The following WIPF2 variants were observed in gnomAD, a reference collection of about 807,000 sequenced individuals.
WIPF2 encodes WAS/WASL-interacting protein family member 2.
WIPF2 carries 23 observed loss-of-function variants against 38.8 expected under a neutral mutation model. That is an observed-to-expected ratio of 0.59 (90% CI 0.43 to 0.84). The LOEUF (loss-of-function observed/expected upper bound fraction) is 0.84. Ranked by LOEUF, WIPF2 falls within the 40% of genes least tolerant of loss-of-function variation. WIPF2 has a pLI of 0.00. For missense variants in WIPF2, 574 were observed against 580.5 expected, an observed-to-expected ratio of 0.99 and a Z score of 0.11; for synonymous variants, 210 against 223.2, an observed-to-expected ratio of 0.94 and a Z score of 0.53.
Position 40,262,735 on chromosome 17 carries a change from T to TCCC in WIPF2, c.313+94_313+95insCCC. The TCCC allele has an allele frequency of 5.0e-6, 5 of 992,104 alleles. No homozygotes were observed. In the South Asian group the frequency reaches 6.8e-5, roughly 13 times the overall value. The allele number at this position is 992,104 out of a possible 1,614,324, so 61.5% of individuals were successfully genotyped here. A position where few individuals can be genotyped will look rare whatever the true frequency, so the allele number is the denominator to read the frequency against. On this transcript the variant is annotated intron_variant, in intron 4 of 7. Coordinates refer to ENST00000323571, the MANE Select transcript of WIPF2 (RefSeq NM_133264.5). ...CTCAGGTTGAGGAGTATGGTAGAGG[T>TCCC]GGGGGGAAGAAAGACTTGGGAGTAG... is the stretch of plus-strand genomic sequence containing the variant.
intron 1 of WIPF2, among the ~76,000 whole-genome samples, chr17:40,236,829 G>A (rs1250963213): frequency 1.3e-5 from 2 of 151,614 alleles, no homozygotes; most frequent in East Asian, 1.9e-4. Flanking sequence ...GGCTGGTCTT[G>A]AACTCCTGAT....
At chr17:40,245,131 A>C (rs1330694630) in intron 1 of WIPF2, among the ~76,000 whole-genome samples, 1 of 152,192 alleles carries the variant, frequency 6.6e-6, no homozygotes, top group African/African-American at 2.4e-5. Flanking sequence ...AAAATAAATA[A>C]GTAAAACAAA....
At chr17:40,263,601 G>C (rs996447108) in intron 4 of WIPF2, among the ~76,000 whole-genome samples, 1 of 142,374 alleles carries the variant, frequency 7.0e-6, no homozygotes, top group Non-Finnish European at 1.5e-5. Context: ...GGAGTGCAGT[G>C]GTGCCATCTT....
intron 5 of WIPF2, among the ~76,000 whole-genome samples, chr17:40,272,807 A>T (rs546946404): frequency 6.6e-6 from 1 of 152,330 alleles, no homozygotes; most frequent in South Asian, 2.1e-4. Flanking sequence ...ACCCAGAAGG[A>T]GGAACTGCTC....
chr17:40,234,227 TGTG>T (rs2030863308), intron 1 of WIPF2, among the ~76,000 whole-genome samples: 1 of 151,306 alleles, frequency 6.6e-6, no homozygotes, highest in African/African-American at 2.4e-5. Context: ...ATTAGCTGGG[TGTG>T]GTGGCAAGTG....
intron 1 of WIPF2, among the ~76,000 whole-genome samples, chr17:40,223,599 G>GTTTTTT (rs527827847): frequency 1.5e-5 from 2 of 130,310 alleles, no homozygotes; most frequent in Non-Finnish European, 1.6e-5. Flanking sequence ...TTTTTTTTGG[G>GTTTTTT]TTTTTTTTTT....
At chr17:40,259,920 A>T (rs986030014) in intron 2 of WIPF2, among the ~76,000 whole-genome samples, 4 of 152,184 alleles carry the variant, frequency 2.6e-5, no homozygotes, top group Admixed American at 1.3e-4. Flanking sequence ...ATACGCATTA[A>T]ATGTCTAACA....
intron 1 of WIPF2, among the ~76,000 whole-genome samples, chr17:40,225,823 A>G (rs1188964262): frequency 2.0e-5 from 3 of 151,898 alleles, no homozygotes; most frequent in Non-Finnish European, 4.4e-5. Flanking sequence ...TGCCTCACTA[A>G]TTTTTATTTT....
intron 2 of WIPF2, among the ~76,000 whole-genome samples, chr17:40,257,933 G>C (rs1412399961): frequency 2.6e-5 from 4 of 152,140 alleles, no homozygotes; most frequent in Non-Finnish European, 5.9e-5. Context: ...CCCCGAAGAG[G>C]AAAAGTGACT....
rs1472355404 is a variant in WIPF2 at position 40,282,016 on chromosome 17, G to GA, written c.*3792dup. The GA allele has an allele frequency of 6.6e-6, 1 of 151,340 alleles. No individual in the cohort carries two copies. 9.4% of individuals were successfully genotyped at this position (151,340 alleles called of 1,614,324 possible). A position where few individuals can be genotyped will look rare whatever the true frequency, so the allele number is the denominator to read the frequency against. On this transcript the variant is annotated 3_prime_UTR_variant, in exon 8 of 8. Coordinates refer to ENST00000323571, the MANE Select transcript of WIPF2 (RefSeq NM_133264.5). ...TAAGCTACCCTAATTTCGGGAATGG[G>GA]AGGGGAGAGAGGAGGGCCATTACAA...
At chr17:40,248,991 T>G (rs961078731) in intron 1 of WIPF2, among the ~76,000 whole-genome samples, 2 of 152,224 alleles carry the variant, frequency 1.3e-5, no homozygotes, top group Non-Finnish European at 2.9e-5. Flanking sequence ...GGAGGTGGCC[T>G]GTTTTTTTAA....
chr17:40,226,507 G>A (rs1291156847), intron 1 of WIPF2, among the ~76,000 whole-genome samples: 1 of 151,842 alleles, frequency 6.6e-6, no homozygotes, highest in African/African-American at 2.4e-5. Flanking sequence ...GAGCCACTGT[G>A]CCCGGCCTTT....
intron 1 of WIPF2, among the ~76,000 whole-genome samples, chr17:40,239,599 C>T (rs1050447715): frequency 3.8e-4 from 57 of 151,758 alleles, no homozygotes; most frequent in Non-Finnish European, 6.3e-4. Flanking sequence ...GAGGTCTCAC[C>T]GTTGACTCAT....
intron 1 of WIPF2, among the ~76,000 whole-genome samples, chr17:40,255,428 C>T (rs1025263942): frequency 1.3e-5 from 2 of 151,916 alleles, no homozygotes; most frequent in African/African-American, 2.4e-5. Context: ...CAGGTTCAAG[C>T]GATTCTCCTG....
At chr17:40,231,149 G>T (rs1014946134) in intron 1 of WIPF2, among the ~76,000 whole-genome samples, 4 of 152,144 alleles carry the variant, frequency 2.6e-5, no homozygotes, top group Non-Finnish European at 4.4e-5. Flanking sequence ...TAGCATTTCA[G>T]CAAGGAGCAT....
Position 40,264,518 on chromosome 17 carries a change from A to T in WIPF2, c.342A>T (p.Gln114His), listed in dbSNP as rs765650923. The change falls in exon 5 of 8, where the codon CAA becomes CAT. Residue 114 changes from glutamine to histidine, a missense_variant. Transcript: ENST00000323571. ...SENLAGKPALQIPSSRAAAPR... is the reference protein window; with the variant it reads ...SENLAGKPALHIPSSRAAAPR... ...ACCTAGCTGGTAAGCCAGCCCTGCA[A>T]ATCCCCAGTTCTCGAGCTGCTGCCC... is the stretch of plus-strand genomic sequence containing the variant. 4 of 1,613,888 alleles carry T rather than the reference A, an allele frequency of 2.5e-6. No homozygotes were observed. The African/African-American group carries it at 5.3e-5, about 22-fold the overall frequency.
At chr17:40,259,287 T>C (rs1441216294) in intron 2 of WIPF2, among the ~76,000 whole-genome samples, 2 of 151,692 alleles carry the variant, frequency 1.3e-5, no homozygotes, top group Non-Finnish European at 2.9e-5. Flanking sequence ...ATTTTTCTTC[T>C]GGCGATCATG....
At chr17:40,261,914 TCCGC>T in intron 3 of WIPF2, among the ~76,000 whole-genome samples, 1 of 142,776 alleles carries the variant, frequency 7.0e-6, no homozygotes, top group Admixed American at 7.0e-5. Flanking sequence ...GACCTCATGA[TCCGC>T]CCGCCTCCGC....
At chr17:40,232,015 C>CTT (rs547592426) in intron 1 of WIPF2, among the ~76,000 whole-genome samples, 1,779 of 110,362 alleles carry the variant, frequency 0.016, 28 homozygotes, top group Non-Finnish European at 0.025. Context: ...ATTGATTTTA[C>CTT]TTTTTTTTTT....
Sources: gnomAD v4.1 joint callset for allele counts (sites outside exome capture counted in the v4.1 genomes callset) on GRCh38, gnomAD v4.1.1 for gene constraint, MANE v1.5 for transcripts, NCBI Gene and HGNC (gene_info 2026-07-23, HGNC 2026-07-21) for gene names.